Variants in VSTM4 observed in about 807,000 individuals in gnomAD.
VSTM4 encodes V-set and transmembrane domain-containing protein 4.
In VSTM4, 20 loss-of-function variants were observed where a neutral mutation model predicts 36.4. The ratio of observed to expected loss-of-function variants is 0.55; its 90% CI spans 0.39 to 0.80. The LOEUF is 0.80. VSTM4 is among the 30% of genes least tolerant of loss of function. The probability of loss-of-function intolerance (pLI) is 0.00; values close to 1 mark genes in which losing one functional copy is unlikely to be tolerated. For synonymous variants in VSTM4, 182 were observed against 173.9 expected (o/e 1.05, Z -0.37); for missense variants, 392 against 404.5 (o/e 0.97, Z 0.26).
intron 2 of VSTM4, chr10:49,103,700 T>G: frequency 6.2e-7 from 1 of 1,607,672 alleles, no homozygotes; most frequent in Non-Finnish European, 8.5e-7. Context: ...CAGCCTTTCT[T>G]TCTGGGAGTT....
intron 2 of VSTM4, among the ~76,000 whole-genome samples, chr10:49,086,944 T>C (rs568235032): frequency 1.3e-5 from 2 of 152,292 alleles, no homozygotes; most frequent in Admixed American, 1.3e-4. Flanking sequence ...AGGACCAGAA[T>C]TGAATGGAGA....
At position 49,019,790 on chromosome 10, in the gene VSTM4, A is replaced by G; in HGVS notation, c.838-15T>C. On this transcript the variant is annotated splice_polypyrimidine_tract_variant and intron_variant, in intron 7 of 7. Coordinates refer to ENST00000332853, the MANE Select transcript of VSTM4 (RefSeq NM_001031746.5). ...GCAATCTTTGGCTATAAAAGAAAAAACAAAACAAAACACAATTCTAGCTGA... is the reference window on the plus strand; with the variant it reads ...GCAATCTTTGGCTATAAAAGAAAAAGCAAAACAAAACACAATTCTAGCTGA... The G allele has an allele frequency of 5.6e-6, 9 of 1,606,296 alleles. No homozygotes were observed. The highest frequency in any genetic ancestry group is 7.7e-6 in the Non-Finnish European group (9 of 1,175,410).
At chr10:49,024,386 G>A (rs1368836244) in intron 7 of VSTM4, among the ~76,000 whole-genome samples, 3 of 152,134 alleles carry the variant, frequency 2.0e-5, no homozygotes, top group Admixed American at 6.5e-5. Context: ...ATACACGCAC[G>A]TATTGATGCA....
intron 7 of VSTM4, among the ~76,000 whole-genome samples, chr10:49,037,346 T>C (rs1843446825): frequency 6.6e-6 from 1 of 152,226 alleles, no homozygotes; most frequent in Non-Finnish European, 1.5e-5. Flanking sequence ...ACCTCGTTAA[T>C]TGCAGGTTCC....
chr10:49,063,785 G>A (rs994753329), intron 5 of VSTM4, among the ~76,000 whole-genome samples: 1 of 152,210 alleles, frequency 6.6e-6, no homozygotes, highest in Non-Finnish European at 1.5e-5. Flanking sequence ...TTGTGTCTAG[G>A]TGCCTCTTGC....
intron 4 of VSTM4, among the ~76,000 whole-genome samples, chr10:49,065,412 C>T (rs2131979075): frequency 6.6e-6 from 1 of 152,288 alleles, no homozygotes; most frequent in African/African-American, 2.4e-5. Context: ...TGTATGTGTC[C>T]ACACCCATGT....
Position 49,082,085 on chromosome 10 carries a change from C to T in VSTM4, c.526+3870G>A, listed in dbSNP as rs556808179. 7.9e-5 allele frequency among the ~76,000 whole-genome samples: 12 copies of T among 152,326 alleles called. No individual in the cohort carries two copies. The South Asian group carries it at 1.7e-3, about 21-fold the overall frequency. On this transcript the variant is annotated intron_variant, in intron 3 of 7. Transcript: ENST00000332853. ...TTGAAGCCAGGGTCACAAATTCCTA[C>T]GACTGCAGAGTCACCTTCCTGTCAT...
rs572130513 is a variant in VSTM4 at position 49,057,147 on chromosome 10, C to T, written c.668+7556G>A. Among the ~76,000 whole-genome samples, 7 of 152,176 alleles carry T rather than the reference C, an allele frequency of 4.6e-5. No individual in the cohort carries two copies. The South Asian group carries it at 1.3e-3, about 27-fold the overall frequency. On this transcript the variant is annotated intron_variant, in intron 5 of 7. Transcript: ENST00000332853. Reference sequence around the variant, plus strand: ...ATCTGCCCCCATGACCCAAACACGTCCCACCAAGACTACCTCCAACACTGG... The same window carrying T: ...ATCTGCCCCCATGACCCAAACACGTTCCACCAAGACTACCTCCAACACTGG...
chr10:49,066,734 A>T (rs548048205), intron 4 of VSTM4, among the ~76,000 whole-genome samples: 1 of 152,262 alleles, frequency 6.6e-6, no homozygotes, highest in Admixed American at 6.5e-5. Flanking sequence ...TGTCATCTTG[A>T]TTAATCTTAT....
At chr10:49,082,086 G>A (rs184025892) in intron 3 of VSTM4, among the ~76,000 whole-genome samples, 6 of 152,234 alleles carry the variant, frequency 3.9e-5, no homozygotes, top group East Asian at 3.9e-4. Flanking sequence ...AAATTCCTAC[G>A]ACTGCAGAGT....
At chr10:49,034,888 T>C (rs1212250703) in intron 7 of VSTM4, among the ~76,000 whole-genome samples, 1 of 152,208 alleles carries the variant, frequency 6.6e-6, no homozygotes, top group African/African-American at 2.4e-5. Flanking sequence ...AGAAATGATA[T>C]TGTTTCATGA....
intron 5 of VSTM4, among the ~76,000 whole-genome samples, chr10:49,059,439 C>A (rs1436179658): frequency 6.6e-6 from 1 of 152,180 alleles, no homozygotes; most frequent in Non-Finnish European, 1.5e-5. Context: ...CTAATGTCCA[C>A]CAGGCTGGAA....
intron 4 of VSTM4, among the ~76,000 whole-genome samples, chr10:49,065,317 T>G (rs1391185903): frequency 6.6e-6 from 1 of 152,150 alleles, no homozygotes; most frequent in African/African-American, 2.4e-5. Context: ...TTACTTCAAA[T>G]AGAGGTAAAG....
At chr10:49,044,276 C>T (rs971685681) in intron 7 of VSTM4, among the ~76,000 whole-genome samples, 11 of 151,652 alleles carry the variant, frequency 7.3e-5, no homozygotes, top group African/African-American at 1.9e-4. Context: ...TGCAGTGAGC[C>T]GAGGTAGTAC....
intron 3 of VSTM4, among the ~76,000 whole-genome samples, chr10:49,082,056 G>A (rs550178989): frequency 8.0e-4 from 122 of 152,280 alleles, no homozygotes; most frequent in Non-Finnish European, 1.3e-3. Context: ...TAAACTCTGA[G>A]CCATTGAAGC....
intron 7 of VSTM4, among the ~76,000 whole-genome samples, chr10:49,045,336 A>G (rs1435332479): frequency 6.6e-6 from 1 of 152,218 alleles, no homozygotes; most frequent in African/African-American, 2.4e-5. Flanking sequence ...TCAAGGAATT[A>G]GTGAACAATA....
At chr10:49,032,390 A>G (rs1378688169) in intron 7 of VSTM4, among the ~76,000 whole-genome samples, 6 of 152,198 alleles carry the variant, frequency 3.9e-5, no homozygotes, top group Admixed American at 2.6e-4. Context: ...CCGTGTGGAT[A>G]AATGTTGACA....
chr10:49,070,431 A>T (rs562998762), intron 4 of VSTM4, among the ~76,000 whole-genome samples: 26 of 151,972 alleles, frequency 1.7e-4, no homozygotes, highest in African/African-American at 5.6e-4. Flanking sequence ...AAATGGTCAG[A>T]TCACCTGTAT....
chr10:49,031,608 C>T (rs1287186801), intron 7 of VSTM4, among the ~76,000 whole-genome samples: 1 of 152,210 alleles, frequency 6.6e-6, no homozygotes, highest in Non-Finnish European at 1.5e-5. Flanking sequence ...AGGCCAGGGC[C>T]AAACACATCT....
Sources: allele counts gnomAD v4.1 joint callset (sites outside exome capture counted in the v4.1 genomes callset), GRCh38; gene constraint gnomAD v4.1.1; transcripts MANE v1.5; gene names NCBI Gene and HGNC (gene_info 2026-07-23, HGNC 2026-07-21).